Variants in DRC8 observed in about 807,000 individuals in gnomAD.
DRC8 encodes the protein dynein regulatory complex subunit 8, also known as dynein regulatory complex protein 8.
At chr1:244,996,591 A>C in the DRC8 span, among the ~76,000 whole-genome samples, 3 of 152,168 alleles carry the variant, frequency 2.0e-5, no homozygotes, top group Non-Finnish European at 4.4e-5. Flanking sequence ...TGGCATTTAC[A>C]ATCCAGAAAG....
At chr1:245,020,777 G>A in the DRC8 span, among the ~76,000 whole-genome samples, 24 of 150,674 alleles carry the variant, frequency 1.6e-4, no homozygotes, top group South Asian at 3.2e-3. Flanking sequence ...CCGCCACCAC[G>A]CCCGGCTAAT....
chr1:245,018,822 A>G, the DRC8 span, among the ~76,000 whole-genome samples: 1 of 152,098 alleles, frequency 6.6e-6, no homozygotes, highest in Admixed American at 6.5e-5. Context: ...TAATCTTTTT[A>G]TTTATGGGTT....
chr1:245,101,860 T>C, the DRC8 span, among the ~76,000 whole-genome samples: 469 of 152,302 alleles, frequency 3.1e-3, 2 homozygotes, highest in African/African-American at 0.011. Flanking sequence ...TTTTGAACAG[T>C]GGGAGCTGCT....
the DRC8 span, among the ~76,000 whole-genome samples, chr1:244,995,929 G>T: frequency 9.9e-5 from 15 of 152,136 alleles, no homozygotes; most frequent in Non-Finnish European, 1.3e-4. Context: ...CATGTGTTAC[G>T]CCAGCTCCCC....
the DRC8 span, among the ~76,000 whole-genome samples, chr1:245,060,319 A>G: frequency 2.0e-5 from 3 of 152,218 alleles, no homozygotes; most frequent in Non-Finnish European, 4.4e-5. Flanking sequence ...TGCTTCAAAG[A>G]TAAATGAAAG....
the DRC8 span, among the ~76,000 whole-genome samples, chr1:244,976,072 C>T: frequency 2.6e-5 from 4 of 151,780 alleles, no homozygotes; most frequent in Admixed American, 6.6e-5. Context: ...AGTTCGAGAC[C>T]AGCCTGACCA....
chr1:245,001,635 G>A, the DRC8 span, among the ~76,000 whole-genome samples: 14 of 152,264 alleles, frequency 9.2e-5, no homozygotes, highest in East Asian at 1.7e-3. Context: ...ACTTTACCCC[G>A]TAGATGGTGG....
At chr1:244,970,580 G>T in the DRC8 span, 3 of 1,145,430 alleles carry the variant, frequency 2.6e-6, no homozygotes, top group Non-Finnish European at 3.5e-6. Context: ...TGAGGAGGGG[G>T]CCACCCGGCA....
At chr1:245,022,453 C>T in the DRC8 span, among the ~76,000 whole-genome samples, 29 of 152,136 alleles carry the variant, frequency 1.9e-4, no homozygotes, top group Admixed American at 1.2e-3. Flanking sequence ...CATGAGCCAC[C>T]GCACCCAGCC....
chr1:245,054,722 C>G, the DRC8 span, among the ~76,000 whole-genome samples: 1 of 152,184 alleles, frequency 6.6e-6, no homozygotes, highest in Non-Finnish European at 1.5e-5. Context: ...TCTTCTGCTC[C>G]TGTGGCTTCA....
At chr1:245,120,910 T>C in the DRC8 span, among the ~76,000 whole-genome samples, 1 of 152,252 alleles carries the variant, frequency 6.6e-6, no homozygotes, top group African/African-American at 2.4e-5. Flanking sequence ...TCAAACAATA[T>C]GACACCTGGC....
the DRC8 span, among the ~76,000 whole-genome samples, chr1:244,989,732 A>C: frequency 6.6e-6 from 1 of 152,122 alleles, no homozygotes; most frequent in African/African-American, 2.4e-5. Context: ...TCCCTCCTTG[A>C]GGGCAGAGAA....
the DRC8 span, among the ~76,000 whole-genome samples, chr1:245,056,660 G>A: frequency 1.3e-5 from 2 of 152,266 alleles, no homozygotes; most frequent in African/African-American, 4.8e-5. Context: ...AGACAAGGCC[G>A]GGTGTGGTGG....
At chr1:245,013,877 G>A in the DRC8 span, among the ~76,000 whole-genome samples, 2 of 151,450 alleles carry the variant, frequency 1.3e-5, no homozygotes, top group African/African-American at 4.9e-5. Flanking sequence ...CTAAAAATAC[G>A]AAAGTGAGCT....
chr1:245,036,517 A>G, the DRC8 span, among the ~76,000 whole-genome samples: 1 of 152,232 alleles, frequency 6.6e-6, no homozygotes, highest in Non-Finnish European at 1.5e-5. Flanking sequence ...ATGAAAAAAT[A>G]TGTCCATACA....
the DRC8 span, among the ~76,000 whole-genome samples, chr1:245,057,656 A>G: frequency 4.2e-5 from 6 of 142,834 alleles, no homozygotes; most frequent in South Asian, 2.2e-4. Context: ...TTTTTTTGGT[A>G]ATTAAAAAGT....
At chr1:245,105,622 C>CAAAAAAAAAAAAAAAAAAAA in the DRC8 span, among the ~76,000 whole-genome samples, 1 of 114,350 alleles carries the variant, frequency 8.7e-6, no homozygotes, top group East Asian at 2.4e-4. Context: ...GACCCCATCT[C>CAAAAAAAAAAAAAAAAAAAA]AAAAAAAAAA....
At chr1:244,998,388 A>G in the DRC8 span, among the ~76,000 whole-genome samples, 3 of 151,860 alleles carry the variant, frequency 2.0e-5, no homozygotes, top group African/African-American at 7.3e-5. Context: ...TTAAAATTTT[A>G]TTTTTAGTAG....
chr1:244,978,070 T>G, the DRC8 span, among the ~76,000 whole-genome samples: 1 of 152,240 alleles, frequency 6.6e-6, no homozygotes, highest in Non-Finnish European at 1.5e-5. Flanking sequence ...TTAAAAATTA[T>G]TCTTACCCAC....
Sources: allele counts gnomAD v4.1 joint callset (sites outside exome capture counted in the v4.1 genomes callset), GRCh38; gene constraint gnomAD v4.1.1; transcripts MANE v1.5; gene names NCBI Gene and HGNC (gene_info 2026-07-23, HGNC 2026-07-21).